The following PCM1 variants were observed in gnomAD, a reference collection of about 807,000 sequenced individuals.
PCM1 encodes pericentriolar material 1, also known as pericentriolar material 1 protein.
Under a neutral mutation model 241.9 loss-of-function variants are expected in PCM1, and 157 were observed. The ratio of observed to expected loss-of-function variants is 0.65; its 90% confidence interval spans 0.57 to 0.74. PCM1 has a LOEUF of 0.74. PCM1 is among the 30% of genes least tolerant of loss of function. The pLI, the probability that PCM1 is intolerant of heterozygous loss-of-function variation, is 0.00. For missense variants in PCM1, 3,478 were observed against 2,360.1 expected, an observed-to-expected ratio of 1.47 and a Z score of -9.81; for synonymous variants, 1,085 against 784.9, an observed-to-expected ratio of 1.38 and a Z score of -6.39.
At chr8:17,967,792 G>C (rs1185645383) in intron 21 of PCM1, among the ~76,000 whole-genome samples, 1 of 152,212 alleles carries the variant, frequency 6.6e-6, no homozygotes, top group African/African-American at 2.4e-5. Context: ...CTCTCCTAAA[G>C]GAGTACCATG....
At chr8:17,981,240 C>T (rs1339297373) in intron 24 of PCM1, among the ~76,000 whole-genome samples, 1 of 152,158 alleles carries the variant, frequency 6.6e-6, no homozygotes, top group Admixed American at 6.5e-5. Flanking sequence ...GTATAGCTAT[C>T]ACATTCTTTC....
At position 17,935,683 on chromosome 8, in the gene PCM1, GT is replaced by G; in HGVS notation, c.75del (p.Asp26MetfsTer29). ...QDLPNWSNEN[V>X]DDRLNNMDWG... ...TTTACCAAACTGGAGTAATGAGAAT[GT>G]TGATGACAGGCTCAACAATATGGTA... is the stretch of plus-strand genomic sequence containing the variant. On this transcript the variant is annotated frameshift_variant, in exon 3 of 39. Coordinates refer to ENST00000325083, the MANE Select transcript of PCM1 (RefSeq NM_006197.4). LOFTEE classifies it high-confidence loss of function. The G allele has an allele frequency of 6.8e-7, 1 of 1,479,788 alleles. No individual in the cohort carries two copies. The highest frequency in any genetic ancestry group is 9.5e-7 in the Non-Finnish European group (1 of 1,057,698). The allele number at this position is 1,479,788 out of a possible 1,614,324, so 91.7% of individuals were successfully genotyped here.
chr8:17,942,424 C>A (rs539609888), intron 6 of PCM1, among the ~76,000 whole-genome samples: 1 of 151,450 alleles, frequency 6.6e-6, no homozygotes, highest in African/African-American at 2.4e-5. Flanking sequence ...CCACTGCACT[C>A]CAGCATGGGT....
chr8:17,962,232 C>G, intron 16 of PCM1, 58 bp downstream of exon 16: 1 of 1,423,098 alleles, frequency 7.0e-7, no homozygotes, highest in East Asian at 2.4e-5. Flanking sequence ...CTTTTTTTTT[C>G]TTCAATAAGG....
chr8:17,992,158 G>C (rs566181693), intron 28 of PCM1, among the ~76,000 whole-genome samples: 2 of 152,238 alleles, frequency 1.3e-5, no homozygotes, highest in South Asian at 4.1e-4. Context: ...ATGGACATTT[G>C]GACTGGTTCC....
intron 38 of PCM1, among the ~76,000 whole-genome samples, chr8:18,026,492 C>G (rs986488691): frequency 1.3e-5 from 2 of 151,716 alleles, no homozygotes; most frequent in Middle Eastern, 3.2e-3. Flanking sequence ...ATCTCCTGAC[C>G]TCGTGATCCG....
rs565494296 is a variant in PCM1, at chr8:18,014,719, G to A, written c.5720G>A (p.Arg1907His). 5.1e-5 allele frequency: 82 copies of A among 1,613,240 alleles called. 1 individual carries two copies. Among genetic ancestry groups the A allele is most frequent in the Middle Eastern group, 3.3e-4 (2 of 6,062 alleles). The change falls in exon 36 of 39, where the codon CGT (arginine) becomes CAT (histidine). Residue 1907 changes from arginine to histidine, a missense_variant. Coordinates refer to ENST00000325083, the MANE Select transcript of PCM1 (RefSeq NM_006197.4). ...CAACAGCCTAACCCTTTGCCGTTACGTTTACCTGAAATGGAACCCTTAGTG... is the reference window on the plus strand; with the variant it reads ...CAACAGCCTAACCCTTTGCCGTTACATTTACCTGAAATGGAACCCTTAGTG... ...STQQPNPLPL[R>H]LPEMEPLVPR...
chr8:18,013,981 TA>T lies in PCM1; in HGVS notation c.5534del (p.Lys1845ArgfsTer25). 6.2e-7 allele frequency: 1 copy of T among 1,603,338 alleles called. No individual in the cohort carries two copies. The highest frequency in any genetic ancestry group is 8.5e-7 in the Non-Finnish European group (1 of 1,174,962). Reference sequence around the variant, plus strand: ...CCTTCTAGGTCCTACAACGTGACTTTAAAAAGACAGCAGAAAGCAAAAATGT... The same window carrying T: ...CCTTCTAGGTCCTACAACGTGACTTTAAAAGACAGCAGAAAGCAAAAATGT... ...HDEQVLQRDF[K>X]KTAESKNVPL... On this transcript the variant is annotated frameshift_variant, in exon 35 of 39. Coordinates refer to ENST00000325083, the MANE Select transcript of PCM1 (RefSeq NM_006197.4). LOFTEE classifies it high-confidence loss of function.
intron 1 of PCM1, among the ~76,000 whole-genome samples, chr8:17,923,450 G>T (rs1053486599): frequency 2.0e-5 from 3 of 152,188 alleles, no homozygotes; most frequent in African/African-American, 7.2e-5. Context: ...TTGCCTCCTC[G>T]CCCCTCCTGC....
chr8:17,983,483 CT>C (rs1426867956), intron 24 of PCM1, among the ~76,000 whole-genome samples: 1 of 152,000 alleles, frequency 6.6e-6, no homozygotes. Flanking sequence ...AAATTTGCTG[CT>C]TTTGTTTTCA....
intron 36 of PCM1, among the ~76,000 whole-genome samples, chr8:18,018,894 A>ATG (rs1383511608): frequency 1.0e-4 from 5 of 49,814 alleles, no homozygotes; most frequent in African/African-American, 3.1e-4. Flanking sequence ...ACACATATAC[A>ATG]TACACATATA....
intron 36 of PCM1, among the ~76,000 whole-genome samples, chr8:18,015,079 T>C (rs1358945932): frequency 6.6e-6 from 1 of 152,188 alleles, no homozygotes; most frequent in Admixed American, 6.5e-5. Flanking sequence ...AAAGATTTCA[T>C]CTTAAGTTCG....
At chr8:17,965,748 C>T (rs185264793) in intron 18 of PCM1, among the ~76,000 whole-genome samples, 1 of 152,248 alleles carries the variant, frequency 6.6e-6, no homozygotes, top group African/African-American at 2.4e-5. Flanking sequence ...TTTTATTTTG[C>T]AGAATACTTA....
At chr8:17,980,794 T>A in intron 24 of PCM1, 39 bp downstream of exon 24, 1 of 1,486,554 alleles carries the variant, frequency 6.7e-7, no homozygotes, top group Non-Finnish European at 9.2e-7. Context: ...TAAGGAGGTT[T>A]TCAGCTTAGA....
At chr8:18,010,570 G>A (rs745760720) in intron 31 of PCM1, 39 bp from the exon 32 acceptor site, 2 of 1,454,502 alleles carry the variant, frequency 1.4e-6, no homozygotes, top group African/African-American at 2.8e-5. Context: ...ATGTATCTAA[G>A]TATGTTGCTA....
intron 29 of PCM1, among the ~76,000 whole-genome samples, chr8:17,997,170 G>C (rs1478284627): frequency 1.3e-5 from 2 of 152,142 alleles, no homozygotes; most frequent in Non-Finnish European, 2.9e-5. Flanking sequence ...TACTATTCTA[G>C]GGTAAAAGTT....
rs2094387830 is a variant in PCM1, at chr8:18,029,002, T to A, written c.*1340T>A. 1 of 176,644 alleles carries A rather than the reference T, an allele frequency of 5.7e-6. No homozygotes were observed. Among genetic ancestry groups the A allele is most frequent in the South Asian group, 2.0e-4 (1 of 5,038 alleles). The allele number at this position is 176,644 out of a possible 1,614,324, so 10.9% of individuals were successfully genotyped here. The stretch of plus-strand genomic sequence containing the variant: ...CCCGTCTCTACTAAAAATAAAAAAA[T>A]TAGCTGGGAGAGGTGGCACGTGCCT... On this transcript the variant is annotated 3_prime_UTR_variant, in exon 39 of 39. Coordinates refer to ENST00000325083, the MANE Select transcript of PCM1 (RefSeq NM_006197.4).
Position 17,967,081 on chromosome 8 carries a change from C to G in PCM1, c.3323C>G (p.Pro1108Arg), listed in dbSNP as rs778591287. Residue 1108 changes from proline (P) to arginine (R), a missense_variant, in exon 21 of 39, where the codon CCC (proline) becomes CGC (arginine). Coordinates refer to ENST00000325083, the MANE Select transcript of PCM1 (RefSeq NM_006197.4). ...RGSSASHPPSPSLFCPFSFPT... is the reference protein window; with the variant it reads ...RGSSASHPPSRSLFCPFSFPT... ...AGTAGTGCATCGCACCCTCCTTCTC[C>G]CAGTTTATTTTGTCCTTTCAGCTTT... 15 of 1,608,842 alleles carry G rather than the reference C, an allele frequency of 9.3e-6. No homozygotes were observed. Among genetic ancestry groups the G allele is most frequent in the Non-Finnish European group, 1.3e-5 (15 of 1,177,418 alleles).
chr8:17,930,402 C>T (rs117885674), intron 2 of PCM1, among the ~76,000 whole-genome samples: 128 of 151,890 alleles, frequency 8.4e-4, no homozygotes, highest in East Asian at 5.7e-3. Flanking sequence ...TGCGCCTGAC[C>T]GTTACTGGAA....
Sources: gnomAD v4.1 joint callset for allele counts (sites outside exome capture counted in the v4.1 genomes callset) on GRCh38, gnomAD v4.1.1 for gene constraint, MANE v1.5 for transcripts, NCBI Gene and HGNC (gene_info 2026-07-23, HGNC 2026-07-21) for gene names.